DENND2B: variants seen among roughly 807,000 people sequenced by gnomAD.
The protein encoded by DENND2B is DENN domain containing 2B.
In DENND2B, 32 loss-of-function variants were observed where a neutral mutation model predicts 116.0. The ratio of observed to expected loss-of-function variants is 0.28; its 90% CI spans 0.21 to 0.37. DENND2B has a LOEUF of 0.37. Ranked by LOEUF, DENND2B falls within the 10% of genes least tolerant of loss-of-function variation. The probability of loss-of-function intolerance (pLI) is 1.00; values close to 1 mark genes in which losing one functional copy is unlikely to be tolerated. For missense variants in DENND2B, 1,276 were observed against 1,477.7 expected (o/e 0.86, Z 2.24); for synonymous variants, 588 against 583.9 (o/e 1.01, Z -0.10).
chr11:8,696,518 T>A lies in DENND2B; in HGVS notation c.3201A>T (p.Lys1067Asn). ...AAACCTCAAGAAAGCGGCGGATGCT[T>A]TTGGAGGCCACAGATTTGCGGAAGG... ...REAFRKSVASKSIRRFLEVFM... is the reference protein window; with the variant it reads ...REAFRKSVASNSIRRFLEVFM... Residue 1067 changes from lysine to asparagine, a missense_variant, in exon 18 of 20, where the codon AAA (lysine) becomes AAT (asparagine). Coordinates refer to ENST00000313726, the MANE Select transcript of DENND2B (RefSeq NM_213618.2). 1 of 1,614,170 alleles carries A rather than the reference T, an allele frequency of 6.2e-7. No individual in the cohort carries two copies. The highest frequency in any genetic ancestry group is 8.5e-7 in the Non-Finnish European group (1 of 1,180,026).
intron 1 of DENND2B, among the ~76,000 whole-genome samples, chr11:8,906,282 T>C (rs1047903245): frequency 6.8e-6 from 1 of 148,056 alleles, no homozygotes; most frequent in Non-Finnish European, 1.5e-5. Flanking sequence ...CTTGGCTCAC[T>C]GCAAGCTCTG....
chr11:8,811,198 A>T (rs2061359485), upstream of DENND2B: 2 of 398,406 alleles, frequency 5.0e-6, no homozygotes, highest in Non-Finnish European at 4.4e-6. Context: ...GTTGGGGCGG[A>T]AATGCACTCA....
intron 3 of DENND2B, among the ~76,000 whole-genome samples, chr11:8,850,148 A>C (rs569178200): frequency 1.3e-5 from 2 of 152,308 alleles, no homozygotes; most frequent in East Asian, 1.9e-4. Context: ...CACACACACA[A>C]AAACTGATAA....
At chr11:8,889,692 G>C (rs2064004091) in intron 1 of DENND2B, among the ~76,000 whole-genome samples, 2 of 152,234 alleles carry the variant, frequency 1.3e-5, no homozygotes, top group Admixed American at 6.5e-5. Context: ...GCGAGGCTCA[G>C]GGAGGGGCAC....
intron 8 of DENND2B, among the ~76,000 whole-genome samples, chr11:8,713,112 T>C (rs913538980): frequency 3.9e-5 from 6 of 152,200 alleles, no homozygotes; most frequent in Non-Finnish European, 4.4e-5. Flanking sequence ...GACATGCTCC[T>C]ACATCCAAAG....
rs578171611 is a variant in DENND2B at position 8,834,200 on chromosome 11, T to C, written c.-115+5110A>G. ...CAGTCACCTGGAACCTAGTACAGTT[T>C]GGAAAGTCATTCTATTTTCCTGAAC... On this transcript the variant is annotated intron_variant, in intron 4 of 6. Transcript: ENST00000524757. Among the ~76,000 whole-genome samples, 6 of 152,344 alleles carry C rather than the reference T, an allele frequency of 3.9e-5. No homozygotes were observed. In the East Asian group the frequency reaches 1.2e-3, roughly 29 times the overall value.
upstream of DENND2B, among the ~76,000 whole-genome samples, chr11:8,872,812 GCCAAAAATCAGCACAGGTTTTACT>G (rs1307680916): frequency 1.3e-5 from 2 of 152,090 alleles, no homozygotes; most frequent in African/African-American, 4.8e-5. Context: ...AAACACAAAG[GCCAAAAATCAGCACAGGTTTTACT>G]CCAAAAATCA....
In DENND2B at chr11:8,696,054, T is replaced by C. The variant is rs137944693; in HGVS notation, c.3292+373A>G. On this transcript the variant is annotated intron_variant, in intron 18 of 19. Coordinates refer to ENST00000313726, the MANE Select transcript of DENND2B (RefSeq NM_213618.2). ...CACCAACCTACGACAGCTGGCCCAATGCTCTGTAAGGGAATTCCCAACCAC... is the reference window on the plus strand; with the variant it reads ...CACCAACCTACGACAGCTGGCCCAACGCTCTGTAAGGGAATTCCCAACCAC... 63 of 268,608 alleles carry C rather than the reference T, an allele frequency of 2.3e-4. 1 individual carries two copies. The East Asian group carries it at 5.1e-3, about 22-fold the overall frequency. 16.6% of individuals were successfully genotyped at this position (268,608 alleles called of 1,614,324 possible). A position where few individuals can be genotyped will look rare whatever the true frequency, so the allele number is the denominator to read the frequency against.
intron 1 of DENND2B, among the ~76,000 whole-genome samples, chr11:8,884,759 C>T (rs1169826024): frequency 2.0e-5 from 3 of 152,172 alleles, no homozygotes; most frequent in Admixed American, 6.5e-5. Flanking sequence ...TATTACTCCA[C>T]CCTTTAAGGC....
At chr11:8,786,655 T>C (rs2058931070) in intron 1 of DENND2B, among the ~76,000 whole-genome samples, 1 of 151,974 alleles carries the variant, frequency 6.6e-6, no homozygotes, top group South Asian at 2.1e-4. Flanking sequence ...ACAAAAAGTT[T>C]AAAAATTAGC....
chr11:8,827,665 T>G (rs1195993901), intron 4 of DENND2B, among the ~76,000 whole-genome samples: 3 of 152,206 alleles, frequency 2.0e-5, no homozygotes, highest in African/African-American at 7.2e-5. Context: ...TGTCAGAGGC[T>G]TAGAGACTTA....
chr11:8,853,168 G>A (rs34769330), intron 3 of DENND2B, among the ~76,000 whole-genome samples: 28,663 of 151,896 alleles, frequency 0.19, 3,509 homozygotes, highest in Middle Eastern at 0.36. Context: ...GTTCGAGACC[G>A]GCCTGGCCAA....
chr11:8,900,219 T>C (rs2064147844), intron 1 of DENND2B, among the ~76,000 whole-genome samples: 1 of 149,562 alleles, frequency 6.7e-6, no homozygotes, highest in Non-Finnish European at 1.5e-5. Flanking sequence ...AGGTCAGGAG[T>C]TCGAGACTGT....
chr11:8,694,407 G>A, intron 19 of DENND2B: 1 of 490,424 alleles, frequency 2.0e-6, no homozygotes, highest in South Asian at 2.0e-5. Context: ...CTGGCGGGCT[G>A]AGCACCCTGC....
intron 1 of DENND2B, chr11:8,774,350 C>T: frequency 2.0e-6 from 2 of 983,144 alleles, no homozygotes; most frequent in Non-Finnish European, 2.4e-6. Flanking sequence ...CTAGTGAAAG[C>T]ACACCTTTGT....
intron 4 of DENND2B, 116 bp from the exon 5 acceptor site, chr11:8,718,008 T>C: frequency 8.2e-7 from 1 of 1,226,108 alleles, no homozygotes; most frequent in Non-Finnish European, 1.1e-6. Context: ...GGCTTCTGCC[T>C]GGCCCCTCAG....
chr11:8,714,606 C>G lies in DENND2B; in HGVS notation c.1942+4G>C, dbSNP rs879006682. On this transcript the variant is annotated splice_donor_region_variant and intron_variant, in intron 7 of 19. Coordinates refer to ENST00000313726, the MANE Select transcript of DENND2B (RefSeq NM_213618.2). The stretch of plus-strand genomic sequence containing the variant: ...GCTGAACCAGCTCTGGCACCAAAGC[C>G]TACCTCTCAGTGATGCTGTTTCAAT... The G allele has an allele frequency of 6.8e-6, 11 of 1,613,404 alleles. No individual in the cohort carries two copies. The South Asian group carries it at 1.1e-4, about 16-fold the overall frequency.
intron 11 of DENND2B, among the ~76,000 whole-genome samples, chr11:8,709,734 C>T (rs1224315450): frequency 2.6e-5 from 4 of 152,170 alleles, no homozygotes; most frequent in Non-Finnish European, 4.4e-5. Flanking sequence ...TTTTGACTTT[C>T]CAATCTATGG....
intron 1 of DENND2B, among the ~76,000 whole-genome samples, chr11:8,758,600 A>G (rs1348682756): frequency 2.0e-5 from 3 of 152,208 alleles, no homozygotes; most frequent in African/African-American, 7.2e-5. Flanking sequence ...ATTAGTTGTC[A>G]AGCTTAAGAA....
Sources: allele counts gnomAD v4.1 joint callset (sites outside exome capture counted in the v4.1 genomes callset), GRCh38; gene constraint gnomAD v4.1.1; transcripts MANE v1.5; gene names NCBI Gene and HGNC (gene_info 2026-07-23, HGNC 2026-07-21).